The following MITF variants were observed in gnomAD, a reference collection of about 807,000 sequenced individuals.
MITF encodes the protein microphthalmia-associated transcription factor.
A neutral mutation model predicts 60.5 loss-of-function variants in MITF; 17 were observed. The observed-to-expected ratio is 0.28, with a 90% confidence interval of 0.19 to 0.42. The LOEUF is 0.42. Among genes scored for constraint, MITF ranks in the 10% least tolerant of loss-of-function variants. The pLI is 1.00. For synonymous variants in MITF, 260 were observed against 248.5 expected (o/e 1.05, Z -0.43); for missense variants, 622 against 683.5 (o/e 0.91, Z 1.00).
At chr3:69,951,977 A>T in intron 7 of MITF, 91 bp downstream of exon 7, 2 of 926,236 alleles carry the variant, frequency 2.2e-6, no homozygotes, top group Non-Finnish European at 3.5e-6. Flanking sequence ...AGGAGAGTTG[A>T]TTCCTACAGC....
At chr3:69,759,298 C>T (rs1427682406) in intron 1 of MITF, among the ~76,000 whole-genome samples, 1 of 152,188 alleles carries the variant, frequency 6.6e-6, no homozygotes, top group East Asian at 1.9e-4. Flanking sequence ...CACTAGACAG[C>T]ACTTTCGCAC....
At chr3:69,958,908 A>G (rs2066467169) in intron 8 of MITF, among the ~76,000 whole-genome samples, 1 of 151,798 alleles carries the variant, frequency 6.6e-6, no homozygotes, top group Non-Finnish European at 1.5e-5. Context: ...CACGTGGCAA[A>G]CACTCGTGAA....
chr3:69,942,830 C>T (rs905659661), intron 5 of MITF, among the ~76,000 whole-genome samples: 1 of 151,920 alleles, frequency 6.6e-6, no homozygotes, highest in Non-Finnish European at 1.5e-5. Context: ...TAAATATACC[C>T]AAAGACATGG....
chr3:69,812,455 T>A (rs1575751925), intron 1 of MITF, among the ~76,000 whole-genome samples: 1 of 152,326 alleles, frequency 6.6e-6, no homozygotes, highest in East Asian at 1.9e-4. Flanking sequence ...AACTGAGTCA[T>A]AATAAAATAT....
intron 2 of MITF, among the ~76,000 whole-genome samples, chr3:69,926,725 A>T (rs970428408): frequency 2.6e-5 from 4 of 152,206 alleles, no homozygotes; most frequent in African/African-American, 4.8e-5. Context: ...TGAACCACGT[A>T]ATTGTGGCCT....
chr3:69,803,174 T>C (rs1245030413), intron 1 of MITF, among the ~76,000 whole-genome samples: 1 of 152,134 alleles, frequency 6.6e-6, no homozygotes, highest in Non-Finnish European at 1.5e-5. Context: ...AAATGAAAAA[T>C]ATGCTTCAGT....
intron 1 of MITF, among the ~76,000 whole-genome samples, chr3:69,791,017 T>C (rs2062731343): frequency 6.6e-6 from 1 of 152,254 alleles, no homozygotes; most frequent in South Asian, 2.1e-4. Context: ...CACTAATTTC[T>C]AGGTTTCTGC....
chr3:69,936,524 G>T (rs536905563), intron 2 of MITF: 5 of 1,269,486 alleles, frequency 3.9e-6, no homozygotes, highest in Non-Finnish European at 5.1e-6. Context: ...TTATGTGAAC[G>T]TTTTTTTTTA....
chr3:69,744,308 A>G (rs1163388569), intron 1 of MITF, among the ~76,000 whole-genome samples: 1 of 152,112 alleles, frequency 6.6e-6, no homozygotes, highest in Non-Finnish European at 1.5e-5. Flanking sequence ...GCAAAACAAA[A>G]CTGTCAATCA....
At chr3:69,950,049 TA>T (rs1350567914) in intron 6 of MITF, among the ~76,000 whole-genome samples, 13 of 151,976 alleles carry the variant, frequency 8.6e-5, no homozygotes, top group Admixed American at 1.3e-4. Context: ...AAAGAGTAAT[TA>T]ATAAGTAAAA....
Position 69,799,446 on chromosome 3 carries a change from A to T in MITF, c.104+59745A>T, listed in dbSNP as rs569152078. Among the ~76,000 whole-genome samples, 4 of 152,334 alleles carry T rather than the reference A, an allele frequency of 2.6e-5. No individual in the cohort carries two copies. In the South Asian group the frequency reaches 8.3e-4, roughly 32 times the overall value. On this transcript the variant is annotated intron_variant, in intron 1 of 9. Transcript: ENST00000352241. Reference sequence around the variant, plus strand: ...TTATTTCTCTGATTTAAGCATTGTCACATTGGCTCTTTTTGTTGTTGTTGT... The same window carrying T: ...TTATTTCTCTGATTTAAGCATTGTCTCATTGGCTCTTTTTGTTGTTGTTGT...
At position 69,826,178 on chromosome 3, in the gene MITF, G is replaced by C. The variant is rs371475699; in HGVS notation, c.105-52956G>C. 2.0e-5 allele frequency among the ~76,000 whole-genome samples: 3 copies of C among 152,140 alleles called. No individual in the cohort carries two copies. In the East Asian group the frequency reaches 5.8e-4, roughly 29 times the overall value. On this transcript the variant is annotated intron_variant, in intron 1 of 9. Transcript: ENST00000352241. ...CTAATTGAACATTACCTGCACCCTAGATGCTTCCTTCCTGTGCCTTTTATT... is the reference window on the plus strand; with the variant it reads ...CTAATTGAACATTACCTGCACCCTACATGCTTCCTTCCTGTGCCTTTTATT...
intron 1 of MITF, among the ~76,000 whole-genome samples, chr3:69,858,038 T>G (rs1490073679): frequency 6.6e-6 from 1 of 152,082 alleles, no homozygotes; most frequent in Non-Finnish European, 1.5e-5. Context: ...ATTTAGTAGT[T>G]TTTTTAGGCA....
chr3:69,743,442 A>G (rs1199082472), intron 1 of MITF, among the ~76,000 whole-genome samples: 1 of 152,218 alleles, frequency 6.6e-6, no homozygotes, highest in African/African-American at 2.4e-5. Context: ...GAATTCATAT[A>G]TTGTTCATTG....
At chr3:69,855,304 T>C (rs1027480360) in intron 1 of MITF, among the ~76,000 whole-genome samples, 1 of 149,042 alleles carries the variant, frequency 6.7e-6, no homozygotes, top group South Asian at 2.1e-4. Flanking sequence ...AAAGTACATA[T>C]CTTTTTGAAA....
At chr3:69,792,512 A>C (rs145289644) in intron 1 of MITF, among the ~76,000 whole-genome samples, 2 of 151,900 alleles carry the variant, frequency 1.3e-5, no homozygotes, top group Non-Finnish European at 2.9e-5. Context: ...TAATTTCCCT[A>C]CTCACCATCC....
intron 2 of MITF, among the ~76,000 whole-genome samples, chr3:69,927,078 G>A (rs756022947): frequency 2.6e-5 from 4 of 151,422 alleles, no homozygotes; most frequent in African/African-American, 4.8e-5. Context: ...TTTATCGCTC[G>A]GGAATAGTCA....
chr3:69,834,627 A>G (rs1381722159), intron 1 of MITF, among the ~76,000 whole-genome samples: 3 of 152,170 alleles, frequency 2.0e-5, no homozygotes, highest in Non-Finnish European at 4.4e-5. Context: ...TAGTGCTGCA[A>G]TAAACATGGG....
chr3:69,889,291 A>G (rs1362259270), intron 2 of MITF, among the ~76,000 whole-genome samples: 3 of 151,820 alleles, frequency 2.0e-5, no homozygotes, highest in Admixed American at 6.6e-5. Context: ...TCTTTGATTC[A>G]TAACTCTGTG....
Sources: gnomAD v4.1 joint callset for allele counts (sites outside exome capture counted in the v4.1 genomes callset) on GRCh38, gnomAD v4.1.1 for gene constraint, MANE v1.5 for transcripts, NCBI Gene and HGNC (gene_info 2026-07-23, HGNC 2026-07-21) for gene names.